Variants in SCLT1 observed in about 807,000 individuals in gnomAD.
SCLT1 encodes sodium channel and clathrin linker 1.
Under a neutral mutation model 112.8 loss-of-function variants are expected in SCLT1, and 78 were observed. That is an observed-to-expected ratio of 0.69 (90% confidence interval 0.58 to 0.83). SCLT1 has a LOEUF of 0.83. Among genes scored for constraint, SCLT1 ranks in the 40% least tolerant of loss-of-function variants. The pLI is 0.00. For synonymous variants in SCLT1, 257 were observed against 254.7 expected, an observed-to-expected ratio of 1.01 and a Z score of -0.09; for missense variants, 747 against 770.4, an observed-to-expected ratio of 0.97 and a Z score of 0.36.
At chr4:128,901,655 AAAACTT>A (rs1734311729) in intron 18 of SCLT1, among the ~76,000 whole-genome samples, 2 of 152,124 alleles carry the variant, frequency 1.3e-5, no homozygotes, top group East Asian at 3.9e-4. Context: ...CATGTACCCT[AAAACTT>A]AAAGTATAAT....
intron 18 of SCLT1, among the ~76,000 whole-genome samples, chr4:128,919,952 C>G (rs1160582946): frequency 6.6e-6 from 1 of 152,018 alleles, no homozygotes; most frequent in African/African-American, 2.4e-5. Context: ...GATTCACAGC[C>G]AAATTCTACC....
chr4:128,885,969 A>G (rs1473727509), intron 20 of SCLT1, among the ~76,000 whole-genome samples: 1 of 151,964 alleles, frequency 6.6e-6, no homozygotes, highest in Non-Finnish European at 1.5e-5. Context: ...CATTTTTTGA[A>G]AACTTAGGTA....
At chr4:129,006,768 G>C (rs1006887731) in intron 5 of SCLT1, among the ~76,000 whole-genome samples, 12 of 152,064 alleles carry the variant, frequency 7.9e-5, no homozygotes, top group African/African-American at 2.7e-4. Context: ...CTCTCACCGA[G>C]TGTGCTCTGT....
At chr4:129,003,105 TA>T (rs1174707724) in intron 6 of SCLT1, among the ~76,000 whole-genome samples, 3 of 151,946 alleles carry the variant, frequency 2.0e-5, no homozygotes, top group African/African-American at 7.3e-5. Flanking sequence ...TATGCAGCCA[TA>T]AAAAAGGATG....
intron 18 of SCLT1, among the ~76,000 whole-genome samples, chr4:128,918,995 CA>C (rs1735678231): frequency 6.6e-6 from 1 of 152,062 alleles, no homozygotes; most frequent in Non-Finnish European, 1.5e-5. Context: ...TTCAACATGC[CA>C]CTGACAGTAT....
intron 2 of SCLT1, among the ~76,000 whole-genome samples, chr4:129,057,210 T>C (rs1749482728): frequency 6.6e-6 from 1 of 152,186 alleles, no homozygotes; most frequent in South Asian, 2.1e-4. Context: ...ATCCTTTTAA[T>C]ATGCTGCTGG....
At chr4:129,006,085 G>T (rs1331495671) in intron 5 of SCLT1, among the ~76,000 whole-genome samples, 1 of 150,886 alleles carries the variant, frequency 6.6e-6, no homozygotes, top group African/African-American at 2.4e-5. Context: ...GTTAATGGGT[G>T]CAGCACACCA....
chr4:128,900,697 A>G (rs1380064549), intron 18 of SCLT1, among the ~76,000 whole-genome samples: 1 of 152,228 alleles, frequency 6.6e-6, no homozygotes, highest in African/African-American at 2.4e-5. Context: ...TAAACTAAAG[A>G]GCTTCTGCAC....
At chr4:128,986,527 A>G (rs1742108165) in intron 9 of SCLT1, among the ~76,000 whole-genome samples, 1 of 152,110 alleles carries the variant, frequency 6.6e-6, no homozygotes, top group South Asian at 2.1e-4. Context: ...TCCCTTCCCA[A>G]ACTCCAGGCA....
intron 2 of SCLT1, among the ~76,000 whole-genome samples, chr4:129,075,981 T>C (rs1295762159): frequency 6.6e-6 from 1 of 152,140 alleles, no homozygotes; most frequent in Non-Finnish European, 1.5e-5. Context: ...CAATCTTCAT[T>C]TTCTGTCCCA....
chr4:129,050,994 T>A (rs1748732243), intron 2 of SCLT1, among the ~76,000 whole-genome samples: 1 of 151,748 alleles, frequency 6.6e-6, no homozygotes, highest in Non-Finnish European at 1.5e-5. Flanking sequence ...CTTTTCCCCA[T>A]TACTTGTTTT....
intron 4 of SCLT1, chr4:129,039,584 C>T (rs1747488199): frequency 6.4e-6 from 1 of 156,176 alleles, no homozygotes; most frequent in African/African-American, 2.4e-5. Context: ...GTTTCTGATT[C>T]ACCACCTTCA....
At chr4:129,092,724 C>T (rs1752958327) in intron 1 of SCLT1, among the ~76,000 whole-genome samples, 1 of 152,170 alleles carries the variant, frequency 6.6e-6, no homozygotes, top group South Asian at 2.1e-4. Flanking sequence ...GTTCAATAAA[C>T]ATCTTTTTAA....
chr4:128,951,749 C>T (rs1320939939), intron 14 of SCLT1, among the ~76,000 whole-genome samples: 2 of 152,154 alleles, frequency 1.3e-5, no homozygotes, highest in Non-Finnish European at 2.9e-5. Context: ...TTACATGTCA[C>T]TAACTGGCCA....
At chr4:129,003,967 T>C in intron 5 of SCLT1, 91 bp from the exon 6 acceptor site, 1 of 1,127,420 alleles carries the variant, frequency 8.9e-7, no homozygotes, top group Non-Finnish European at 1.3e-6. Context: ...GGGTCAACAA[T>C]AACTCTTTAA....
intron 2 of SCLT1, among the ~76,000 whole-genome samples, chr4:129,061,622 G>C (rs1338468387): frequency 6.6e-6 from 1 of 152,104 alleles, no homozygotes; most frequent in East Asian, 1.9e-4. Flanking sequence ...TGTTCTCATA[G>C]GAGACAGGGT....
At chr4:128,952,960 G>A (rs1027985695) in intron 13 of SCLT1, 120 bp from the exon 14 acceptor site, 1 of 637,526 alleles carries the variant, frequency 1.6e-6, no homozygotes, top group Non-Finnish European at 2.8e-6. Context: ...GGGCATAAAA[G>A]ACAAATAAGC....
intron 18 of SCLT1, among the ~76,000 whole-genome samples, chr4:128,897,233 A>G (rs1050047780): frequency 6.6e-6 from 1 of 152,132 alleles, no homozygotes; most frequent in African/African-American, 2.4e-5. Flanking sequence ...AGATTCACCA[A>G]AGTTGAAATG....
intron 2 of SCLT1, among the ~76,000 whole-genome samples, chr4:129,071,702 T>C (rs1403640571): frequency 6.6e-6 from 1 of 152,192 alleles, no homozygotes; most frequent in African/African-American, 2.4e-5. Context: ...ATGTTTTAGG[T>C]GAGCCTCCTG....
Sources: allele counts gnomAD v4.1 joint callset (sites outside exome capture counted in the v4.1 genomes callset), GRCh38; gene constraint gnomAD v4.1.1; transcripts MANE v1.5; gene names NCBI Gene and HGNC (gene_info 2026-07-23, HGNC 2026-07-21).